Variants in PIK3CB observed in about 807,000 individuals in gnomAD.
PIK3CB encodes the protein phosphatidylinositol-4,5-bisphosphate 3-kinase catalytic subunit beta.
A neutral mutation model predicts 136.8 loss-of-function variants in PIK3CB; 39 were observed. The ratio of observed to expected loss-of-function variants is 0.29; its 90% confidence interval spans 0.22 to 0.37. The LOEUF is 0.37. Ranked by LOEUF, PIK3CB falls within the 10% of genes least tolerant of loss-of-function variation. The pLI is 1.00. For synonymous variants in PIK3CB, 428 were observed against 436.6 expected (o/e 0.98, Z 0.25); for missense variants, 868 against 1,275.4 (o/e 0.68, Z 4.87).
chr3:138,709,512 A>G (rs2044450830), intron 10 of PIK3CB, among the ~76,000 whole-genome samples: 1 of 152,088 alleles, frequency 6.6e-6, no homozygotes, highest in South Asian at 2.1e-4. Context: ...GAAAGTTAGG[A>G]AAAAAAATAA....
intron 1 of PIK3CB, chr3:138,826,243 G>A (rs540228563): frequency 9.7e-6 from 15 of 1,542,516 alleles, no homozygotes; most frequent in East Asian, 6.7e-5. Flanking sequence ...CAGAGTTGCC[G>A]TGGGTGTCAT....
intron 8 of PIK3CB, among the ~76,000 whole-genome samples, chr3:138,725,262 C>T (rs1326797053): frequency 1.3e-5 from 2 of 151,820 alleles, no homozygotes; most frequent in Admixed American, 6.5e-5. Context: ...AGTCCTGAGA[C>T]CTATATAACT....
chr3:138,795,245 G>A (rs570059102), intron 2 of PIK3CB, among the ~76,000 whole-genome samples: 21 of 149,642 alleles, frequency 1.4e-4, no homozygotes, highest in African/African-American at 3.9e-4. Flanking sequence ...ACTTGAAACC[G>A]GGAGGCGGAC....
rs780428632 is a variant in PIK3CB, at chr3:138,755,952, G to A, written c.199C>T (p.Pro67Ser). 1.9e-6 allele frequency: 3 copies of A among 1,606,172 alleles called. No individual in the cohort carries two copies. The highest frequency in any genetic ancestry group is 3.4e-5 in the Admixed American group (2 of 59,616). ...QMLWKQVHNYPMFNLLMDIDS... is the reference protein window; with the variant it reads ...QMLWKQVHNYSMFNLLMDIDS... ...ATATCCATAAGGAGGTTGAACATTG[G>A]GTAATTGTGAACTTGCTTCCATAAC... Residue 67 changes from proline (P) to serine (S), a missense_variant, in exon 4 of 24, where the codon CCA becomes TCA. Coordinates refer to ENST00000674063, the MANE Select transcript of PIK3CB (RefSeq NM_006219.3).
rs550479704 is a variant in PIK3CB, at chr3:138,818,527, A to G, written c.-122+16168T>C. Among the ~76,000 whole-genome samples, 8 of 152,314 alleles carry G rather than the reference A, an allele frequency of 5.3e-5. No individual in the cohort carries two copies. In the South Asian group the frequency reaches 1.7e-3, roughly 32 times the overall value. On this transcript the variant is annotated intron_variant, in intron 1 of 23. Transcript: ENST00000674063. ...GCAACTCTACAGCTCACAATGCCTC[A>G]GCTTTTGTTCCAGTCAAACAACTCT...
intron 1 of PIK3CB, among the ~76,000 whole-genome samples, chr3:138,810,875 G>A (rs1347402948): frequency 2.0e-5 from 3 of 151,872 alleles, no homozygotes; most frequent in South Asian, 2.1e-4. Context: ...AGCCGAGATC[G>A]TGCCACTGCA....
intron 19 of PIK3CB, among the ~76,000 whole-genome samples, chr3:138,672,044 T>A (rs565202777): frequency 5.3e-5 from 8 of 151,312 alleles, no homozygotes; most frequent in Non-Finnish European, 1.0e-4. Flanking sequence ...CCTGGGGATC[T>A]AACAAAGGCA....
chr3:138,788,603 GC>G (rs2046008910), intron 2 of PIK3CB, among the ~76,000 whole-genome samples: 1 of 137,500 alleles, frequency 7.3e-6, no homozygotes, highest in African/African-American at 2.7e-5. Context: ...GTTGCAGTGA[GC>G]CGAGATCATG....
intron 2 of PIK3CB, among the ~76,000 whole-genome samples, chr3:138,784,949 G>A (rs181321645): frequency 0.017 from 2,534 of 151,064 alleles, 27 homozygotes; most frequent in Non-Finnish European, 0.024. Context: ...GGTGAGGAGC[G>A]TCTCTGCCCG....
intron 8 of PIK3CB, among the ~76,000 whole-genome samples, chr3:138,732,405 T>C (rs949003409): frequency 2.6e-5 from 4 of 152,130 alleles, no homozygotes; most frequent in African/African-American, 9.7e-5. Flanking sequence ...TTAATACCCA[T>C]GTACAAAAGC....
At chr3:138,730,938 T>C (rs1344256557) in intron 8 of PIK3CB, among the ~76,000 whole-genome samples, 1 of 151,934 alleles carries the variant, frequency 6.6e-6, no homozygotes, top group Non-Finnish European at 1.5e-5. Flanking sequence ...TCTAAATAAA[T>C]AATTTTTTTA....
chr3:138,731,545 G>A (rs1282703865), intron 8 of PIK3CB, among the ~76,000 whole-genome samples: 1 of 151,510 alleles, frequency 6.6e-6, no homozygotes, highest in Non-Finnish European at 1.5e-5. Flanking sequence ...GAGCTACCAC[G>A]CCCAGCCTGT....
chr3:138,668,798 A>G (rs1397346575), intron 19 of PIK3CB, among the ~76,000 whole-genome samples: 4 of 152,088 alleles, frequency 2.6e-5, no homozygotes. Flanking sequence ...AGCAACACAC[A>G]TTGTACTCAC....
chr3:138,759,725 G>A (rs2045635725), intron 2 of PIK3CB, among the ~76,000 whole-genome samples: 1 of 152,034 alleles, frequency 6.6e-6, no homozygotes, highest in Non-Finnish European at 1.5e-5. Context: ...TGAATAAACT[G>A]CATGCTTAAG....
At chr3:138,746,329 C>T (rs1235665185) in intron 4 of PIK3CB, among the ~76,000 whole-genome samples, 3 of 152,092 alleles carry the variant, frequency 2.0e-5, no homozygotes, top group Admixed American at 6.5e-5. Context: ...AATAACTTCT[C>T]CTGTTACCTT....
At chr3:138,771,156 G>A (rs2045794442) in intron 2 of PIK3CB, among the ~76,000 whole-genome samples, 1 of 151,642 alleles carries the variant, frequency 6.6e-6, no homozygotes, top group South Asian at 2.1e-4. Flanking sequence ...AACTGTTGAT[G>A]TGTTCATGGT....
intron 2 of PIK3CB, among the ~76,000 whole-genome samples, chr3:138,793,825 G>A (rs2046079847): frequency 6.6e-6 from 1 of 152,112 alleles, no homozygotes; most frequent in Non-Finnish European, 1.5e-5. Context: ...TTTGAAAACA[G>A]CCTGAGCAAC....
At position 138,730,781 on chromosome 3, in the gene PIK3CB, A is replaced by C. The variant is rs142865794; in HGVS notation, c.1050+2580T>G. On this transcript the variant is annotated intron_variant, in intron 8 of 23. Coordinates refer to ENST00000674063, the MANE Select transcript of PIK3CB (RefSeq NM_006219.3). ...CTATAAAAATAGAAATAAAAATAAA[A>C]ATTAGCTGGAAGTGATGGTGTATAC... Among the ~76,000 whole-genome samples, 371 of 152,068 alleles carry C rather than the reference A, an allele frequency of 2.4e-3. 2 individuals are homozygous for C. The highest frequency in any genetic ancestry group is 8.6e-3 in the African/African-American group (357 of 41,474).
chr3:138,748,036 T>C (rs945351869), intron 4 of PIK3CB, among the ~76,000 whole-genome samples: 2 of 152,240 alleles, frequency 1.3e-5, no homozygotes, highest in African/African-American at 4.8e-5. Context: ...ATTTTAAAAT[T>C]TGATAATACC....
Sources: allele counts gnomAD v4.1 joint callset (sites outside exome capture counted in the v4.1 genomes callset), GRCh38; gene constraint gnomAD v4.1.1; transcripts MANE v1.5; gene names NCBI Gene and HGNC (gene_info 2026-07-23, HGNC 2026-07-21).